Variants in MYRIP observed in about 807,000 individuals in gnomAD.
The protein encoded by MYRIP is rab effector MyRIP.
In MYRIP, 49 loss-of-function variants were observed where a neutral mutation model predicts 98.0. The observed-to-expected ratio is 0.50, with a 90% CI of 0.40 to 0.63. The LOEUF (loss-of-function observed/expected upper bound fraction) is 0.63. MYRIP is among the 30% of genes least tolerant of loss of function. The pLI is 0.00. For synonymous variants in MYRIP, 404 were observed against 409.5 expected (o/e 0.99, Z 0.16); for missense variants, 1,004 against 1,058.2 (o/e 0.95, Z 0.71).
intron 3 of MYRIP, among the ~76,000 whole-genome samples, chr3:40,114,925 A>G (rs1949240385): frequency 6.6e-6 from 1 of 152,212 alleles, no homozygotes; most frequent in East Asian, 1.9e-4. Context: ...GCCTAAAAAT[A>G]TTAATTGCAA....
intron 12 of MYRIP, among the ~76,000 whole-genome samples, chr3:40,239,272 A>G (rs1275405588): frequency 5.3e-5 from 8 of 150,744 alleles, no homozygotes; most frequent in Admixed American, 1.3e-4. Context: ...ATTCCATGGT[A>G]TATATGTGCC....
intron 3 of MYRIP, among the ~76,000 whole-genome samples, chr3:40,081,826 C>T (rs575892240): frequency 1.2e-4 from 19 of 152,244 alleles, no homozygotes; most frequent in African/African-American, 4.3e-4. Flanking sequence ...CAACATCTCC[C>T]CATGCCCCCA....
At chr3:39,977,064 GTT>G (rs1013558929) in intron 2 of MYRIP, among the ~76,000 whole-genome samples, 1 of 105,440 alleles carries the variant, frequency 9.5e-6, no homozygotes, top group Non-Finnish European at 1.8e-5. Context: ...TATTCTGTGT[GTT>G]TTTTTCTCTT....
At chr3:40,040,826 T>A (rs1947496355) in intron 2 of MYRIP, among the ~76,000 whole-genome samples, 1 of 39,752 alleles carries the variant, frequency 2.5e-5, no homozygotes, top group Non-Finnish European at 6.1e-5. Flanking sequence ...CTCTGGGGAC[T>A]GTGGTGGGGT....
intron 3 of MYRIP, among the ~76,000 whole-genome samples, chr3:40,124,863 T>C (rs1045461442): frequency 6.6e-6 from 1 of 152,222 alleles, no homozygotes; most frequent in Non-Finnish European, 1.5e-5. Context: ...TCCATGACTT[T>C]GGGCAAGTTC....
intron 3 of MYRIP, among the ~76,000 whole-genome samples, chr3:40,065,858 C>G (rs1354590967): frequency 1.3e-5 from 2 of 152,124 alleles, no homozygotes; most frequent in African/African-American, 4.8e-5. Flanking sequence ...AGCACAATGC[C>G]TGGCACACTG....
chr3:39,982,592 A>G (rs1390177071), intron 2 of MYRIP, among the ~76,000 whole-genome samples: 1 of 152,198 alleles, frequency 6.6e-6, no homozygotes, highest in Non-Finnish European at 1.5e-5. Flanking sequence ...ACTACACAAA[A>G]TATTTTCATA....
At chr3:40,154,003 G>T (rs1384421029) in intron 4 of MYRIP, among the ~76,000 whole-genome samples, 1 of 152,094 alleles carries the variant, frequency 6.6e-6, no homozygotes, top group Non-Finnish European at 1.5e-5. Context: ...AGCTGGGCAT[G>T]GTGGCACTCA....
At chr3:39,981,289 G>A (rs183129132) in intron 2 of MYRIP, among the ~76,000 whole-genome samples, 1 of 152,252 alleles carries the variant, frequency 6.6e-6, no homozygotes, top group East Asian at 1.9e-4. Flanking sequence ...AAATATAGTG[G>A]ACTTCCTTAT....
chr3:40,154,291 T>C (rs1025830315), intron 4 of MYRIP, among the ~76,000 whole-genome samples: 2 of 152,174 alleles, frequency 1.3e-5, no homozygotes, highest in Non-Finnish European at 2.9e-5. Context: ...GCTGACCAGA[T>C]TAGGCCTAAA....
chr3:39,859,423 T>C (rs1235021843), intron 1 of MYRIP, among the ~76,000 whole-genome samples: 2 of 152,308 alleles, frequency 1.3e-5, no homozygotes, highest in East Asian at 1.9e-4. Flanking sequence ...ACTAGATGAC[T>C]TTAAAGGTGA....
intron 1 of MYRIP, among the ~76,000 whole-genome samples, chr3:39,850,932 G>T (rs1430261139): frequency 6.6e-6 from 1 of 151,998 alleles, no homozygotes; most frequent in East Asian, 1.9e-4. Context: ...TCTGTGCAGG[G>T]GATCCATATT....
intron 2 of MYRIP, among the ~76,000 whole-genome samples, chr3:39,903,569 A>G (rs1943798444): frequency 6.6e-6 from 1 of 152,238 alleles, no homozygotes; most frequent in Non-Finnish European, 1.5e-5. Flanking sequence ...CTCAGAACAC[A>G]TCATGGTAAT....
At chr3:39,909,508 G>A (rs1943965520) in intron 2 of MYRIP, among the ~76,000 whole-genome samples, 1 of 152,118 alleles carries the variant, frequency 6.6e-6, no homozygotes, top group African/African-American at 2.4e-5. Flanking sequence ...GAATAATTAG[G>A]ATGCTATAGA....
intron 12 of MYRIP, among the ~76,000 whole-genome samples, chr3:40,241,947 C>T (rs1953028358): frequency 6.6e-6 from 1 of 152,150 alleles, no homozygotes; most frequent in African/African-American, 2.4e-5. Flanking sequence ...CCATCTATAA[C>T]CATAGTAACT....
chr3:39,985,087 G>T (rs1575437844), intron 2 of MYRIP, among the ~76,000 whole-genome samples: 1 of 151,448 alleles, frequency 6.6e-6, no homozygotes, highest in East Asian at 1.9e-4. Context: ...TTTTTTTCTT[G>T]TAAATTTGTT....
chr3:39,886,907 C>T (rs1943320889), intron 1 of MYRIP, among the ~76,000 whole-genome samples: 1 of 152,144 alleles, frequency 6.6e-6, no homozygotes, highest in Non-Finnish European at 1.5e-5. Flanking sequence ...CACCACACCA[C>T]ACCTATTCCA....
intron 11 of MYRIP, among the ~76,000 whole-genome samples, chr3:40,230,395 A>T (rs1180312367): frequency 6.6e-6 from 1 of 152,224 alleles, no homozygotes; most frequent in Non-Finnish European, 1.5e-5. Flanking sequence ...TCATCTGATC[A>T]AACCCCCATC....
At chr3:39,929,893 G>A (rs1328675176) in intron 2 of MYRIP, among the ~76,000 whole-genome samples, 1 of 151,952 alleles carries the variant, frequency 6.6e-6, no homozygotes, top group Non-Finnish European at 1.5e-5. Context: ...TCCATGTTAA[G>A]CGTGTATCAG....
Sources: gnomAD v4.1 joint callset for allele counts (sites outside exome capture counted in the v4.1 genomes callset) on GRCh38, gnomAD v4.1.1 for gene constraint, MANE v1.5 for transcripts, NCBI Gene and HGNC (gene_info 2026-07-23, HGNC 2026-07-21) for gene names.